Variants in RFC5 observed in about 807,000 individuals in gnomAD.
RFC5 encodes the protein A1 36 kDa subunit.
Under a neutral mutation model 44.3 loss-of-function variants are expected in RFC5, and 26 were observed. The ratio of observed to expected loss-of-function variants is 0.59; its 90% CI spans 0.43 to 0.81. RFC5 has a LOEUF of 0.81. RFC5 is among the 40% of genes least tolerant of loss of function. RFC5 has a pLI of 0.00. For missense variants in RFC5, 328 were observed against 418.6 expected, an observed-to-expected ratio of 0.78 and a Z score of 1.89; for synonymous variants, 155 against 155.2, an observed-to-expected ratio of 1.00 and a Z score of 0.01.
chr12:118,032,052 T>C lies in RFC5; in HGVS notation c.*774T>C, dbSNP rs549149988. 1 of 152,350 alleles carries C rather than the reference T, an allele frequency of 6.6e-6. No individual in the cohort carries two copies. The highest frequency in any genetic ancestry group is 2.1e-4 in the South Asian group (1 of 4,828). 9.4% of individuals were successfully genotyped at this position (152,350 alleles called of 1,614,324 possible). On this transcript the variant is annotated 3_prime_UTR_variant, in exon 11 of 11. Coordinates refer to ENST00000454402, the MANE Select transcript of RFC5 (RefSeq NM_007370.7). ...AAATTTCACATTTATTTTACAGCAATCATGCTGCATTTGTGTTAGTGTTCT... is the reference window on the plus strand; with the variant it reads ...AAATTTCACATTTATTTTACAGCAACCATGCTGCATTTGTGTTAGTGTTCT...
intron 10 of RFC5, among the ~76,000 whole-genome samples, chr12:118,030,525 T>C (rs2031245136): frequency 6.6e-6 from 1 of 152,238 alleles, no homozygotes; most frequent in Non-Finnish European, 1.5e-5. Flanking sequence ...GAAATCTCTG[T>C]TTTGTTTCCC....
At chr12:118,035,041 T>A (rs370416239), downstream of RFC5, 222 of 1,614,062 alleles carry the variant, frequency 1.4e-4, no homozygotes, top group Non-Finnish European at 1.8e-4. Context: ...CCATTGGTCA[T>A]AGGAGCAAAT....
chr12:118,036,556 T>C (rs1235279690), downstream of RFC5: 6 of 1,557,504 alleles, frequency 3.9e-6, no homozygotes, highest in South Asian at 3.6e-5. Context: ...GCAAAGTGCT[T>C]AGGACTCAAA....
downstream of RFC5, among the ~76,000 whole-genome samples, chr12:118,037,529 G>T (rs764978984): frequency 3.3e-5 from 5 of 151,774 alleles, no homozygotes; most frequent in Admixed American, 2.6e-4. Flanking sequence ...TTAGCCAGGC[G>T]TGGTGTAGCA....
Position 118,025,749 on chromosome 12 carries a change from T to G in RFC5, c.584T>G (p.Val195Gly), listed in dbSNP as rs908834852. ...RLEHVVEEEK[V>G]DISEDGMKAL... is the part of the protein sequence containing the mutation. ...TCCCTTTTGCTTATTTCTTTCAGAG[T>G]TGATATAAGTGAAGATGGAATGAAA... The change falls in exon 7 of 11, where the codon GTT becomes GGT. Residue 195 changes from valine to glycine, a missense_variant and splice_region_variant. Val to Gly is a moderately radical substitution (Grantham distance 109, BLOSUM62 -3). Transcript: ENST00000454402. 6.3e-7 allele frequency: 1 copy of G among 1,594,500 alleles called. No individual in the cohort carries two copies. Among genetic ancestry groups the G allele is most frequent in the African/African-American group, 1.3e-5 (1 of 74,448 alleles).
intron 1 of RFC5, 150 bp downstream of exon 1, chr12:118,017,042 C>T: frequency 1.5e-6 from 1 of 675,208 alleles, no homozygotes; most frequent in Non-Finnish European, 2.6e-6. Context: ...CAGAGGTTTC[C>T]CCCGACACCC....
intron 9 of RFC5, among the ~76,000 whole-genome samples, chr12:118,029,407 A>G (rs1471761821): frequency 6.6e-6 from 1 of 152,246 alleles, no homozygotes; most frequent in Non-Finnish European, 1.5e-5. Context: ...TGGGCAAGAC[A>G]GTGAGACCCC....
At position 118,027,014 on chromosome 12, in the gene RFC5, C is replaced by T; in HGVS notation, c.789C>T (p.Tyr263=). The part of the protein sequence containing the change: ...WMLNQDFTTA[Y]RNITELKTLK... Reference sequence around the variant, plus strand: ...TGAATCAAGATTTCACCACAGCCTACAGAAGTATCCTTTCTCATGACCTCC... The same window carrying T: ...TGAATCAAGATTTCACCACAGCCTATAGAAGTATCCTTTCTCATGACCTCC... Residue 263 remains tyrosine (Y), a synonymous_variant, in exon 8 of 11, where the codon TAC becomes TAT. Transcript: ENST00000454402. 6.2e-7 allele frequency: 1 copy of T among 1,612,490 alleles called. No homozygotes were observed. The highest frequency in any genetic ancestry group is 8.5e-7 in the Non-Finnish European group (1 of 1,179,930).
chr12:118,031,187 G>C lies in RFC5; in HGVS notation c.932G>C (p.Arg311Thr). The part of the protein sequence containing the change: ...LLTKMADIEY[R>T]LSVGTNEKIQ... ...CTGTGTTTGGTTTCTGTTAGGTACA[G>C]GCTTTCTGTTGGCACCAACGAGAAG... The change falls in exon 11 of 11, where the codon AGG becomes ACG. Residue 311 changes from arginine (R) to threonine (T), a missense_variant. Transcript: ENST00000454402. 1 of 1,613,144 alleles carries C rather than the reference G, an allele frequency of 6.2e-7. No individual in the cohort carries two copies. Among genetic ancestry groups the C allele is most frequent in the East Asian group, 2.2e-5 (1 of 44,872 alleles).
rs5745801 is a variant in RFC5, at chr12:118,017,626, A to T, written c.65+734A>T. On this transcript the variant is annotated intron_variant, in intron 1 of 10. Coordinates refer to ENST00000454402, the MANE Select transcript of RFC5 (RefSeq NM_007370.7). ...AGTTCAATTTGTCTTTATTGTGGTTAAAAAAAACCCAGAAGATTGACAGTT... is the reference window on the plus strand; with the variant it reads ...AGTTCAATTTGTCTTTATTGTGGTTTAAAAAAACCCAGAAGATTGACAGTT... The T allele has an allele frequency of 3.1e-5, 32 of 1,018,124 alleles. No individual in the cohort carries two copies. The African/African-American group carries it at 3.5e-4, about 11-fold the overall frequency. 63.1% of individuals were successfully genotyped at this position (1,018,124 alleles called of 1,614,324 possible).
downstream of RFC5, chr12:118,034,484 G>T: frequency 8.6e-7 from 1 of 1,157,418 alleles, no homozygotes; most frequent in Non-Finnish European, 1.2e-6. Flanking sequence ...ATGTAACCCT[G>T]ACTGTGGAAA....
At chr12:118,034,448 A>C, downstream of RFC5, 1 of 1,499,860 alleles carries the variant, frequency 6.7e-7, no homozygotes, top group Non-Finnish European at 9.1e-7. Context: ...TTTGACTGCA[A>C]AGAGCAGGAG....
chr12:118,041,246 GGTGAAGCCT>G, the RFC5 span, among the ~76,000 whole-genome samples: 2 of 152,216 alleles, frequency 1.3e-5, no homozygotes, highest in African/African-American at 4.8e-5. Flanking sequence ...AGGTCATGAG[GGTGAAGCCT>G]CAGGAATGGG....
rs5745879 is a variant in RFC5 at position 118,029,840 on chromosome 12, C to T, written c.926+15C>T. ...GCAGACATTGAGTGAGTACTTCTTGCCCCAGTTTTAATTCTTTTCTTCCTT... is the reference window on the plus strand; with the variant it reads ...GCAGACATTGAGTGAGTACTTCTTGTCCCAGTTTTAATTCTTTTCTTCCTT... On this transcript the variant is annotated intron_variant, in intron 10 of 10. Transcript: ENST00000454402. 123,408 of 1,552,856 alleles carry T rather than the reference C, an allele frequency of 0.079. 6,233 individuals are homozygous for T. Among genetic ancestry groups the T allele is most frequent in the African/African-American group, 0.22 (15,985 of 73,214 alleles).
downstream of RFC5, chr12:118,037,968 T>G: frequency 4.6e-6 from 1 of 215,200 alleles, no homozygotes; most frequent in Non-Finnish European, 9.2e-6. Flanking sequence ...CAAAGGAAAT[T>G]TGGATTCACA....
At chr12:118,025,906 C>CAACA in intron 7 of RFC5, 78 bp downstream of exon 7, 2 of 855,358 alleles carry the variant, frequency 2.3e-6, no homozygotes, top group South Asian at 2.9e-5. Flanking sequence ...TGGAGTGCAG[C>CAACA]AACACAATCT....
downstream of RFC5, chr12:118,034,549 C>T (rs1243894940): frequency 1.6e-6 from 1 of 633,292 alleles, no homozygotes; most frequent in Non-Finnish European, 2.6e-6. Context: ...ATTAGAAAAA[C>T]TCAAGACACC....
At chr12:118,034,306 G>A, downstream of RFC5, 1 of 1,614,266 alleles carries the variant, frequency 6.2e-7, no homozygotes, top group South Asian at 1.1e-5. Flanking sequence ...AAGTGCTTCA[G>A]TGAGGACAGG....
chr12:118,027,580 GAGA>G (rs2031034144), intron 8 of RFC5, among the ~76,000 whole-genome samples: 1 of 151,742 alleles, frequency 6.6e-6, no homozygotes, highest in African/African-American at 2.4e-5. Flanking sequence ...GCTGAGGCAT[GAGA>G]ATTGCTTGAA....
Sources: gnomAD v4.1 joint callset for allele counts (sites outside exome capture counted in the v4.1 genomes callset) on GRCh38, gnomAD v4.1.1 for gene constraint, MANE v1.5 for transcripts, NCBI Gene and HGNC (gene_info 2026-07-23, HGNC 2026-07-21) for gene names.